Variants in HIVEP3 observed in about 807,000 individuals in gnomAD.
The protein encoded by HIVEP3 is transcription factor HIVEP3.
Under a neutral mutation model 152.8 loss-of-function variants are expected in HIVEP3, and 49 were observed. The ratio of observed to expected loss-of-function variants is 0.32; its 90% CI spans 0.26 to 0.41. The LOEUF (loss-of-function observed/expected upper bound fraction) is 0.41, where lower values mean the gene tolerates loss of function less well. HIVEP3 is among the 10% of genes least tolerant of loss of function. The pLI, the probability that HIVEP3 is intolerant of heterozygous loss-of-function variation, is 1.00. For missense variants in HIVEP3, 2,790 were observed against 3,103.3 expected (o/e 0.90, Z 2.40); for synonymous variants, 1,269 against 1,289.0 (o/e 0.98, Z 0.33).
intron 5 of HIVEP3, among the ~76,000 whole-genome samples, chr1:41,572,694 C>T (rs1644268682): frequency 6.6e-6 from 1 of 152,212 alleles, no homozygotes; most frequent in Admixed American, 6.5e-5. Flanking sequence ...ATTGATCAGT[C>T]ACTGAAATGG....
chr1:41,963,124 G>C (rs541240949), intron 1 of HIVEP3, among the ~76,000 whole-genome samples: 1 of 152,214 alleles, frequency 6.6e-6, no homozygotes, highest in East Asian at 1.9e-4. Flanking sequence ...CCATTCTCCT[G>C]CCTCAGCCTC....
intron 6 of HIVEP3, 37 bp from the exon 7 acceptor site, chr1:41,518,525 G>T: frequency 1.3e-6 from 2 of 1,580,150 alleles, no homozygotes; most frequent in African/African-American, 1.3e-5. Context: ...TCTGCTATGG[G>T]GCAGGAGGCC....
At position 41,581,473 on chromosome 1, in the gene HIVEP3, G is replaced by T. The variant is rs1644407261; in HGVS notation, c.3325C>A (p.Pro1109Thr). Residue 1109 changes from proline (P) to threonine (T), a missense_variant, in exon 4 of 9, where the codon CCC becomes ACC. Pro to Thr is a conservative substitution (Grantham distance 38). Transcript: ENST00000372583. This position sits in a 1 kb window ranked among gnomAD's most constrained non-coding sequence, Gnocchi z 4.5. ...PGGKGPGQDR[P>T]PLGPTVPYTE... The stretch of plus-strand genomic sequence containing the variant: ...TAGGGCACAGTGGGCCCCAATGGGG[G>T]CCTGTCCTGCCCTGGGCCCTTGCCT... 3 of 1,573,462 alleles carry T rather than the reference G, an allele frequency of 1.9e-6. No homozygotes were observed. The highest frequency in any genetic ancestry group is 2.6e-6 in the Non-Finnish European group (3 of 1,161,012).
intron 2 of HIVEP3, among the ~76,000 whole-genome samples, chr1:41,675,430 C>T (rs147670787): frequency 4.6e-5 from 7 of 152,304 alleles, no homozygotes; most frequent in Admixed American, 2.0e-4. Flanking sequence ...GAAGCCCTCC[C>T]CTGCCCCCAA....
chr1:41,697,634 C>T (rs963147481), intron 2 of HIVEP3, among the ~76,000 whole-genome samples: 1 of 152,174 alleles, frequency 6.6e-6, no homozygotes, highest in Admixed American at 6.5e-5. Context: ...GCTGTCTAAA[C>T]TCTCAGTCTT....
At chr1:41,544,858 C>CCAT (rs1558046373) in intron 5 of HIVEP3, among the ~76,000 whole-genome samples, 26 of 107,748 alleles carry the variant, frequency 2.4e-4, no homozygotes, top group Admixed American at 5.2e-4. Context: ...ACCACCACCA[C>CCAT]CACCACCACC....
intron 1 of HIVEP3, among the ~76,000 whole-genome samples, chr1:41,928,585 A>G (rs1282320962): frequency 6.6e-6 from 1 of 152,164 alleles, no homozygotes; most frequent in East Asian, 1.9e-4. Flanking sequence ...TCATTCCAGG[A>G]TTCAATTCAG....
intron 1 of HIVEP3, among the ~76,000 whole-genome samples, chr1:42,000,684 A>G (rs1053839329): frequency 3.9e-5 from 6 of 152,228 alleles, no homozygotes; most frequent in Admixed American, 3.9e-4. Flanking sequence ...GCAATATACA[A>G]TGATGAGAAA....
chr1:41,908,847 T>A (rs986421990), intron 1 of HIVEP3, among the ~76,000 whole-genome samples: 1 of 152,242 alleles, frequency 6.6e-6, no homozygotes, highest in African/African-American at 2.4e-5. Flanking sequence ...CCTTCACTTT[T>A]ATCTTTTGTG....
At chr1:41,539,006 G>C (rs1008986737) in intron 5 of HIVEP3, among the ~76,000 whole-genome samples, 5 of 152,140 alleles carry the variant, frequency 3.3e-5, no homozygotes, top group African/African-American at 1.2e-4. Context: ...GGATTGCGTT[G>C]GTTTTCAGAG....
chr1:41,849,988 C>T (rs1431045574), intron 1 of HIVEP3, among the ~76,000 whole-genome samples: 1 of 152,102 alleles, frequency 6.6e-6, no homozygotes, highest in South Asian at 2.1e-4. Context: ...CACGCCTGGC[C>T]GGTAGACCCA....
In HIVEP3 at chr1:41,953,885, C is replaced by T. The variant is rs1645124118; in HGVS notation, n.120-35361G>A. Among the ~76,000 whole-genome samples, 3 of 152,216 alleles carry T rather than the reference C, an allele frequency of 2.0e-5. 1 individual carries two copies. Among genetic ancestry groups the T allele is most frequent in the Admixed American group, 1.3e-4 (2 of 15,288 alleles). On this transcript the variant is annotated intron_variant and non_coding_transcript_variant, in intron 1 of 3. Transcript: ENST00000489103. Reference sequence around the variant, plus strand: ...TGCACAAAAAAACAGGCATCAATCACAGTACCCAAGGCTGCAGCAGCCCTT... The same window carrying T: ...TGCACAAAAAAACAGGCATCAATCATAGTACCCAAGGCTGCAGCAGCCCTT...
At chr1:41,603,529 T>G (rs1455039082) in intron 3 of HIVEP3, among the ~76,000 whole-genome samples, 1 of 151,960 alleles carries the variant, frequency 6.6e-6, no homozygotes, top group Non-Finnish European at 1.5e-5. Flanking sequence ...CCATCTAATT[T>G]TTGTATTTTT....
At position 41,582,548 on chromosome 1, in the gene HIVEP3, G is replaced by A. The variant is rs1414916430; in HGVS notation, c.2250C>T (p.Pro750=). 2 of 1,611,692 alleles carry A rather than the reference G, an allele frequency of 1.2e-6. No individual in the cohort carries two copies. The highest frequency in any genetic ancestry group is 3.3e-5 in the Admixed American group (2 of 59,840). ...PGPSDAARNL[P]LESTKSPAEP... is the part of the protein sequence containing the mutation. ...CTGCTGGTGACTTGGTGGACTCCAG[G>A]GGAAGGTTCCGAGCAGCATCAGATG... The change falls in exon 4 of 9, where the codon CCC becomes CCT. Residue 750 remains proline (P), a synonymous_variant. Transcript: ENST00000372583. The surrounding 1 kb of genome is among the most constrained non-coding windows in gnomAD (Gnocchi z 4.7).
intron 5 of HIVEP3, among the ~76,000 whole-genome samples, chr1:41,534,640 C>G (rs1643353122): frequency 6.6e-6 from 1 of 152,220 alleles, no homozygotes; most frequent in Non-Finnish European, 1.5e-5. Flanking sequence ...TTTGTCAGGA[C>G]ATCCCCAGCA....
chr1:42,013,640 CA>C (rs1474593332), intron 1 of HIVEP3, among the ~76,000 whole-genome samples: 1 of 152,184 alleles, frequency 6.6e-6, no homozygotes, highest in Non-Finnish European at 1.5e-5. Flanking sequence ...ATTAATATTT[CA>C]AAATTTTGTA....
At chr1:41,868,206 T>TTG (rs1644015749) in intron 1 of HIVEP3, among the ~76,000 whole-genome samples, 1 of 151,094 alleles carries the variant, frequency 6.6e-6, no homozygotes, top group African/African-American at 2.4e-5. Context: ...GGTTTTTTTT[T>TTG]TTTTGGTCTT....
intron 2 of HIVEP3, among the ~76,000 whole-genome samples, chr1:41,654,441 T>C (rs1337171847): frequency 6.6e-6 from 1 of 152,224 alleles, no homozygotes; most frequent in African/African-American, 2.4e-5. Flanking sequence ...TGGAAGTGTA[T>C]ATGGATTCAT....
At chr1:42,024,988 T>A (rs749435088) in intron 1 of HIVEP3, among the ~76,000 whole-genome samples, 1 of 152,232 alleles carries the variant, frequency 6.6e-6, no homozygotes, top group Non-Finnish European at 1.5e-5. Context: ...GTCTTTTTGT[T>A]GTTGTTGTTC....
Sources: gnomAD v4.1 joint callset for allele counts (sites outside exome capture counted in the v4.1 genomes callset) on GRCh38, gnomAD v4.1.1 for gene constraint, Gnocchi (gnomAD v3.1) non-coding constraint, MANE v1.5 for transcripts, NCBI Gene and HGNC (gene_info 2026-07-23, HGNC 2026-07-21) for gene names.